Variants in MGST1 observed in about 807,000 individuals in gnomAD.
MGST1 encodes the protein glutathione S-transferase 12.
MGST1 carries 5 observed loss-of-function variants against 8.9 expected under a neutral mutation model. The observed-to-expected ratio is 0.56, with a 90% CI of 0.29 to 1.19. The LOEUF is 1.19. MGST1 is among the 50% of genes most tolerant of loss of function. MGST1 has a pLI of 0.08. For missense variants in MGST1, 182 were observed against 187.4 expected (o/e 0.97, Z 0.17); for synonymous variants, 54 against 67.8 (o/e 0.80, Z 1.00).
At chr12:16,552,574 T>C (rs544682298) in intron 4 of MGST1, among the ~76,000 whole-genome samples, 1 of 152,016 alleles carries the variant, frequency 6.6e-6, no homozygotes, top group Non-Finnish European at 1.5e-5. Flanking sequence ...GCTAAGTAGA[T>C]AGAGAGGAAA....
At chr12:16,470,730 A>G (rs1176156862) in intron 4 of MGST1, among the ~76,000 whole-genome samples, 1 of 152,204 alleles carries the variant, frequency 6.6e-6, no homozygotes, top group Non-Finnish European at 1.5e-5. Context: ...GCTTCCAGAA[A>G]AACATGACTT....
intron 1 of MGST1, among the ~76,000 whole-genome samples, chr12:16,392,942 T>C (rs2137053953): frequency 6.6e-6 from 1 of 152,242 alleles, no homozygotes; most frequent in East Asian, 1.9e-4. Context: ...TAGACATTTA[T>C]CTATATCCCA....
chr12:16,363,798 C>T lies in MGST1; in HGVS notation c.225C>T (p.Ala75=), dbSNP rs1362490154. The T allele has an allele frequency of 1.3e-6, 2 of 1,597,236 alleles. No individual in the cohort carries two copies. The highest frequency in any genetic ancestry group is 1.3e-5 in the African/African-American group (1 of 74,568). The change falls in exon 4 of 4, where the codon GCC becomes GCT. Residue 75 remains alanine (A), a synonymous_variant. Coordinates refer to ENST00000396210, the MANE Select transcript of MGST1 (RefSeq NM_020300.5). This position sits in a 1 kb window ranked among gnomAD's most constrained non-coding sequence, Gnocchi z 4.6. The part of the protein sequence containing the change: ...TDDRVERVRR[A]HLNDLENIIP... ...TAATAGTTATCTTTTTCCACAGAGC[C>T]CACCTGAATGACCTTGAAAATATTA... is the stretch of plus-strand genomic sequence containing the variant.
intron 1 of MGST1, among the ~76,000 whole-genome samples, chr12:16,388,096 A>G (rs1940520621): frequency 6.6e-6 from 1 of 151,944 alleles, no homozygotes; most frequent in African/African-American, 2.4e-5. Flanking sequence ...ACATGACTGT[A>G]TATAGACATA....
intron 2 of MGST1, among the ~76,000 whole-genome samples, chr12:16,355,844 G>T (rs889160792): frequency 7.2e-5 from 11 of 152,198 alleles, no homozygotes; most frequent in Non-Finnish European, 1.5e-5. Context: ...AGTCCCTTTG[G>T]GCTGCTCTTA....
At chr12:16,390,800 T>C (rs572587682) in intron 1 of MGST1, among the ~76,000 whole-genome samples, 2 of 152,226 alleles carry the variant, frequency 1.3e-5, no homozygotes, top group Admixed American at 1.3e-4. Context: ...GTAGAATTAT[T>C]TGTATTGTTC....
chr12:16,540,778 A>T (rs140472381), intron 4 of MGST1, among the ~76,000 whole-genome samples: 25 of 152,296 alleles, frequency 1.6e-4, no homozygotes, highest in Non-Finnish European at 2.5e-4. Flanking sequence ...CAAAAATACA[A>T]AAATTAGCTG....
intron 4 of MGST1, among the ~76,000 whole-genome samples, chr12:16,532,751 T>G (rs1284687940): frequency 9.9e-5 from 15 of 152,156 alleles, no homozygotes; most frequent in Non-Finnish European, 1.6e-4. Context: ...CATTGCATAC[T>G]ACCTTAGCAT....
rs1940736855 is a variant in MGST1, at chr12:16,410,853, C to T, written n.779-26535C>T. ...TACATATAACTATTTGGTTTGACTC[C>T]ATTTTTTCCCAAGATGTTCCAGAAT... On this transcript the variant is annotated intron_variant and non_coding_transcript_variant, in intron 1 of 1. Transcript: ENST00000359720. The surrounding 1 kb of genome is among the most constrained non-coding windows in gnomAD (Gnocchi z 4.4). Among the ~76,000 whole-genome samples, 1 of 151,938 alleles carries T rather than the reference C, an allele frequency of 6.6e-6. No individual in the cohort carries two copies. Among genetic ancestry groups the T allele is most frequent in the Non-Finnish European group, 1.5e-5 (1 of 67,974 alleles).
chr12:16,361,424 C>T lies in MGST1; in HGVS notation c.222-2371C>T, dbSNP rs1461256128. On this transcript the variant is annotated intron_variant, in intron 3 of 3. Transcript: ENST00000396210. The surrounding 1 kb of genome is among the most constrained non-coding windows in gnomAD (Gnocchi z 4.2). ...AAATATATGCCAGGGCATGTGTGTCCAAAGGAGAAAGAAGAATGGGAAAAT... is the reference window on the plus strand; with the variant it reads ...AAATATATGCCAGGGCATGTGTGTCTAAAGGAGAAAGAAGAATGGGAAAAT... 6.6e-6 allele frequency among the ~76,000 whole-genome samples: 1 copy of T among 152,028 alleles called. No individual in the cohort carries two copies. The highest frequency in any genetic ancestry group is 1.5e-5 in the Non-Finnish European group (1 of 68,014).
intron 4 of MGST1, among the ~76,000 whole-genome samples, chr12:16,495,756 A>G (rs985784778): frequency 1.3e-5 from 2 of 151,832 alleles, no homozygotes; most frequent in Non-Finnish European, 2.9e-5. Context: ...GTTTCTCCAA[A>G]ACTGTATTCA....
chr12:16,572,418 ATCT>A (rs1435721971), intron 4 of MGST1, among the ~76,000 whole-genome samples: 2 of 109,892 alleles, frequency 1.8e-5, no homozygotes, highest in East Asian at 2.5e-4. Context: ...ATGTGTATCT[ATCT>A]TCTTTATTAA....
intron 4 of MGST1, among the ~76,000 whole-genome samples, chr12:16,524,989 T>C (rs760864723): frequency 1.3e-5 from 2 of 151,470 alleles, no homozygotes; most frequent in African/African-American, 2.4e-5. Flanking sequence ...CTTTATCTTA[T>C]GGATGAGAAA....
chr12:16,475,413 AC>A (rs954123093), intron 4 of MGST1, among the ~76,000 whole-genome samples: 1 of 152,188 alleles, frequency 6.6e-6, no homozygotes, highest in African/African-American at 2.4e-5. Context: ...TTTAAAACAT[AC>A]TTTTTAAACT....
intron 4 of MGST1, among the ~76,000 whole-genome samples, chr12:16,478,878 C>G (rs1178837825): frequency 6.6e-6 from 1 of 152,070 alleles, no homozygotes; most frequent in African/African-American, 2.4e-5. Flanking sequence ...AGTACATCCA[C>G]AGTGTTGTAC....
chr12:16,359,001 C>T (rs1939867360), intron 3 of MGST1, among the ~76,000 whole-genome samples: 1 of 151,892 alleles, frequency 6.6e-6, no homozygotes, highest in African/African-American at 2.4e-5. Context: ...TGCCTCTATG[C>T]ATGTTTCCAT....
chr12:16,540,854 A>T (rs1460989026), intron 4 of MGST1, among the ~76,000 whole-genome samples: 1 of 152,172 alleles, frequency 6.6e-6, no homozygotes, highest in Non-Finnish European at 1.5e-5. Flanking sequence ...AGGTTGCAGC[A>T]AGCCGAGACA....
chr12:16,450,033 C>T (rs1033230674), intron 4 of MGST1, among the ~76,000 whole-genome samples: 6 of 151,890 alleles, frequency 4.0e-5, no homozygotes, highest in Non-Finnish European at 8.8e-5. Context: ...AAAGACTCTC[C>T]ATTTTCATCA....
At chr12:16,443,363 G>A (rs1262614783), downstream of MGST1, among the ~76,000 whole-genome samples, 2 of 151,728 alleles carry the variant, frequency 1.3e-5, no homozygotes, top group African/African-American at 4.8e-5. Context: ...ACATAGTTAG[G>A]TATAAGTCTA....
Sources: gnomAD v4.1 joint callset for allele counts (sites outside exome capture counted in the v4.1 genomes callset) on GRCh38, gnomAD v4.1.1 for gene constraint, Gnocchi (gnomAD v3.1) non-coding constraint, MANE v1.5 for transcripts, NCBI Gene and HGNC (gene_info 2026-07-23, HGNC 2026-07-21) for gene names.